KLHL28: variants seen among roughly 807,000 people sequenced by gnomAD.
KLHL28 encodes kelch-like protein 28.
Under a neutral mutation model 48.3 loss-of-function variants are expected in KLHL28, and 22 were observed. The observed-to-expected ratio is 0.46, with a 90% CI of 0.33 to 0.65. The LOEUF (loss-of-function observed/expected upper bound fraction) is 0.65. Among genes scored for constraint, KLHL28 ranks in the 30% least tolerant of loss-of-function variants. The pLI is 0.03. For missense variants in KLHL28, 527 were observed against 704.3 expected (o/e 0.75, Z 2.85); for synonymous variants, 243 against 242.4 (o/e 1.00, Z -0.02).
chr14:44,936,943 G>A (rs1883850840), intron 2 of KLHL28, among the ~76,000 whole-genome samples: 1 of 152,136 alleles, frequency 6.6e-6, no homozygotes, highest in South Asian at 2.1e-4. Flanking sequence ...GGTGTGTACT[G>A]AAAGAAATAA....
At chr14:44,957,706 A>G (rs1051159156) in intron 1 of KLHL28, among the ~76,000 whole-genome samples, 2 of 152,168 alleles carry the variant, frequency 1.3e-5, no homozygotes, top group African/African-American at 4.8e-5. Context: ...TATTACCACC[A>G]TTTTACAGAT....
chr14:44,926,653 C>A lies in KLHL28; in HGVS notation c.*2375G>T, dbSNP rs1169865996. The A allele has an allele frequency of 1.3e-5, 2 of 152,260 alleles. No homozygotes were observed. The highest frequency in any genetic ancestry group is 4.8e-5 in the African/African-American group (2 of 41,508). 9.4% of individuals were successfully genotyped at this position (152,260 alleles called of 1,614,324 possible). A position where few individuals can be genotyped will look rare whatever the true frequency, so the allele number is the denominator to read the frequency against. On this transcript the variant is annotated 3_prime_UTR_variant, in exon 5 of 5. Transcript: ENST00000396128. ...TCCCAAGTAGCTGGGATTACAGGTA[C>A]CTGCCACAATGCCCAGCTAATTTTT... is the stretch of plus-strand genomic sequence containing the variant.
Position 44,934,227 on chromosome 14 carries a change from T to G in KLHL28, c.1231A>C (p.Arg411=). 6.2e-7 allele frequency: 1 copy of G among 1,614,188 alleles called. No homozygotes were observed. Among genetic ancestry groups the G allele is most frequent in the Non-Finnish European group, 8.5e-7 (1 of 1,180,024 alleles). The change falls in exon 3 of 5, where the codon AGA becomes CGA. Residue 411 remains arginine (R), a synonymous_variant. Coordinates refer to ENST00000396128, the MANE Select transcript of KLHL28 (RefSeq NM_017658.5). The part of the protein sequence containing the change: ...QSVEKYIPKI[R]KWQPVAPMTT... ...ATTGGTGCCACAGGTTGCCATTTTCTTATTTTGGGAATGTACTTCTCTACA... is the reference window on the plus strand; with the variant it reads ...ATTGGTGCCACAGGTTGCCATTTTCGTATTTTGGGAATGTACTTCTCTACA...
rs1000891101 is a variant in KLHL28 at position 44,943,559 on chromosome 14, A to G, written c.899+1471T>C. Among the ~76,000 whole-genome samples the G allele has an allele frequency of 3.3e-5, 5 of 152,316 alleles. No homozygotes were observed. The South Asian group carries it at 1.0e-3, about 32-fold the overall frequency. ...GTAATCTCAGCTACTTGGGAGGCTG[A>G]GGCAGGAAAATCACTTGAACCTGGG... On this transcript the variant is annotated intron_variant, in intron 2 of 4. Transcript: ENST00000396128.
intron 3 of KLHL28, among the ~76,000 whole-genome samples, chr14:44,932,564 C>A (rs1276057235): frequency 6.6e-6 from 1 of 152,160 alleles, no homozygotes; most frequent in East Asian, 1.9e-4. Context: ...TGGGCTTGTT[C>A]TGGCCCTAAC....
chr14:44,954,345 C>G (rs1884709796), intron 1 of KLHL28, among the ~76,000 whole-genome samples: 1 of 152,160 alleles, frequency 6.6e-6, no homozygotes, highest in Non-Finnish European at 1.5e-5. Flanking sequence ...ATAATAATTG[C>G]AGATCTATTT....
At chr14:44,951,769 T>C (rs1594582766) in intron 1 of KLHL28, among the ~76,000 whole-genome samples, 1 of 152,216 alleles carries the variant, frequency 6.6e-6, no homozygotes, top group African/African-American at 2.4e-5. Flanking sequence ...CAGTGTCAAC[T>C]AGCAACTTCA....
At chr14:44,954,603 G>A (rs1566578520) in intron 1 of KLHL28, among the ~76,000 whole-genome samples, 1 of 151,958 alleles carries the variant, frequency 6.6e-6, no homozygotes, top group African/African-American at 2.4e-5. Context: ...ATTTATCTAC[G>A]ATAGGGAAGA....
chr14:44,938,865 A>G (rs1255227925), intron 2 of KLHL28, among the ~76,000 whole-genome samples: 2 of 151,980 alleles, frequency 1.3e-5, no homozygotes, highest in Non-Finnish European at 2.9e-5. Flanking sequence ...GTTGCACACT[A>G]CTTGCACTAC....
intron 2 of KLHL28, among the ~76,000 whole-genome samples, chr14:44,940,264 C>G (rs145888351): frequency 1.9e-4 from 29 of 152,328 alleles, no homozygotes; most frequent in African/African-American, 5.8e-4. Context: ...GGCCCCATCT[C>G]TTAACATTGT....
chr14:44,950,034 A>T (rs28558522), intron 1 of KLHL28, among the ~76,000 whole-genome samples: 4 of 151,888 alleles, frequency 2.6e-5, no homozygotes, highest in African/African-American at 9.7e-5. Flanking sequence ...GTAATGGAAC[A>T]GAGGTACTGA....
chr14:44,933,313 C>CTTTT (rs200736260), intron 3 of KLHL28, among the ~76,000 whole-genome samples: 2 of 138,048 alleles, frequency 1.4e-5, no homozygotes, highest in African/African-American at 2.6e-5. Flanking sequence ...TTCTTTCTTT[C>CTTTT]TTTTTTTTTT....
intron 3 of KLHL28, 117 bp from the exon 4 acceptor site, chr14:44,931,658 A>G (rs561908809): frequency 9.8e-6 from 7 of 715,134 alleles, no homozygotes; most frequent in South Asian, 1.9e-5. Context: ...ATATTAAACA[A>G]GAGTAGTCTG....
intron 1 of KLHL28, among the ~76,000 whole-genome samples, chr14:44,952,842 T>G (rs1884640093): frequency 6.6e-6 from 1 of 152,094 alleles, no homozygotes; most frequent in African/African-American, 2.4e-5. Flanking sequence ...TCAAACAGTT[T>G]TACACTGGCA....
chr14:44,934,661 C>T (rs1883734178), intron 2 of KLHL28, 103 bp from the exon 3 acceptor site: 1 of 851,592 alleles, frequency 1.2e-6, no homozygotes, highest in Non-Finnish European at 1.7e-6. Flanking sequence ...AAATTAAAAG[C>T]ACAATAAACC....
intron 2 of KLHL28, among the ~76,000 whole-genome samples, chr14:44,939,668 G>C (rs186520779): frequency 6.6e-6 from 1 of 152,170 alleles, no homozygotes; most frequent in East Asian, 1.9e-4. Flanking sequence ...GTTTCTGCTT[G>C]AGACCTCATC....
intron 2 of KLHL28, among the ~76,000 whole-genome samples, chr14:44,937,102 T>C (rs889468194): frequency 3.9e-5 from 6 of 152,162 alleles, no homozygotes; most frequent in Non-Finnish European, 7.4e-5. Flanking sequence ...GGTTAACTCT[T>C]AAGACTTAGT....
intron 1 of KLHL28, among the ~76,000 whole-genome samples, chr14:44,958,988 C>A (rs1027379569): frequency 2.6e-5 from 4 of 151,262 alleles, no homozygotes; most frequent in African/African-American, 9.7e-5. Flanking sequence ...TAAAGTGTTA[C>A]CTCAAACAAG....
intron 1 of KLHL28, among the ~76,000 whole-genome samples, chr14:44,952,898 T>A (rs1884643540): frequency 1.3e-5 from 2 of 148,728 alleles, no homozygotes; most frequent in African/African-American, 2.5e-5. Context: ...GAAGGGTAAG[T>A]ACCATAAAAA....
Sources: gnomAD v4.1 joint callset for allele counts (sites outside exome capture counted in the v4.1 genomes callset) on GRCh38, gnomAD v4.1.1 for gene constraint, MANE v1.5 for transcripts, NCBI Gene and HGNC (gene_info 2026-07-23, HGNC 2026-07-21) for gene names.